Variants in PBK observed in about 807,000 individuals in gnomAD.
PBK encodes the protein PDZ binding kinase.
Under a neutral mutation model 33.5 loss-of-function variants are expected in PBK, and 22 were observed. The ratio of observed to expected loss-of-function variants is 0.66; its 90% CI spans 0.47 to 0.94. The LOEUF (loss-of-function observed/expected upper bound fraction) is 0.94, where lower values mean the gene tolerates loss of function less well. Ranked by LOEUF, PBK falls within the 40% of genes least tolerant of loss-of-function variation. The pLI is 0.00. For missense variants in PBK, 376 were observed against 383.4 expected (o/e 0.98, Z 0.16); for synonymous variants, 129 against 123.8 (o/e 1.04, Z -0.28).
At chr8:27,833,001 A>G in intron 2 of PBK, 55 bp downstream of exon 2, 2 of 1,012,238 alleles carry the variant, frequency 2.0e-6, no homozygotes, top group Non-Finnish European at 3.0e-6. Flanking sequence ...ATACTAGGAC[A>G]TTTCTAAGAG....
intron 3 of PBK, among the ~76,000 whole-genome samples, chr8:27,826,932 C>G (rs565306231): frequency 9.9e-5 from 15 of 151,860 alleles, no homozygotes; most frequent in African/African-American, 3.6e-4. Flanking sequence ...AGCCATAAAC[C>G]TGTGAGAATT....
chr8:27,828,601 C>T lies in PBK; in HGVS notation c.59-403G>A, dbSNP rs187087585. On this transcript the variant is annotated intron_variant, in intron 2 of 7. Coordinates refer to ENST00000301905, the MANE Select transcript of PBK (RefSeq NM_018492.4). ...CATAAAGAGACTCCATCTCTACACA[C>T]GAAAAAATTTTTTTAATTAGCCAGG... 7.6e-5 allele frequency among the ~76,000 whole-genome samples: 11 copies of T among 144,608 alleles called. No homozygotes were observed. In the East Asian group the frequency reaches 1.6e-3, roughly 21 times the overall value. 94.9% of individuals were successfully genotyped at this position (144,608 alleles called of 152,430 possible).
At chr8:27,816,409 C>T (rs28651391) in intron 6 of PBK, among the ~76,000 whole-genome samples, 17,851 of 146,268 alleles carry the variant, frequency 0.12, 1,331 homozygotes, top group East Asian at 0.33. Flanking sequence ...GATGGAATCT[C>T]GCTGTCGCCC....
At chr8:27,825,806 GA>G (rs1806014528) in intron 3 of PBK, among the ~76,000 whole-genome samples, 1 of 151,990 alleles carries the variant, frequency 6.6e-6, no homozygotes, top group Non-Finnish European at 1.5e-5. Context: ...TAAAGCTGGG[GA>G]AATCTCAGAA....
At chr8:27,818,731 T>C (rs1037831089) in intron 6 of PBK, among the ~76,000 whole-genome samples, 1 of 152,122 alleles carries the variant, frequency 6.6e-6, no homozygotes, top group Non-Finnish European at 1.5e-5. Flanking sequence ...CCCACTGTGA[T>C]ATAGAATTCT....
At chr8:27,820,443 G>C in intron 6 of PBK, 122 bp downstream of exon 6, 1 of 640,264 alleles carries the variant, frequency 1.6e-6, no homozygotes. Flanking sequence ...GAAAAAAAGG[G>C]GACTTTTTAC....
chr8:27,829,168 C>T (rs1350702855), intron 2 of PBK, among the ~76,000 whole-genome samples: 1 of 152,182 alleles, frequency 6.6e-6, no homozygotes, highest in African/African-American at 2.4e-5. Flanking sequence ...TGGCCAAGTA[C>T]TTATCCGCAC....
chr8:27,824,313 T>C (rs1298830365), intron 3 of PBK, among the ~76,000 whole-genome samples: 3 of 152,140 alleles, frequency 2.0e-5, no homozygotes, highest in Non-Finnish European at 2.9e-5. Flanking sequence ...CTTCACCTTT[T>C]CCATAACATA....
chr8:27,814,182 G>C (rs180933223), intron 6 of PBK, among the ~76,000 whole-genome samples: 47 of 152,234 alleles, frequency 3.1e-4, no homozygotes, highest in Non-Finnish European at 5.7e-4. Context: ...AAACATCTGG[G>C]TCTTGAGTTT....
intron 4 of PBK, 128 bp from the exon 5 acceptor site, chr8:27,822,616 AT>A (rs1170516071): frequency 7.0e-5 from 41 of 585,774 alleles, no homozygotes; most frequent in Admixed American, 2.2e-4. Context: ...AACAGCTACT[AT>A]TTACAAGACT....
rs1184068288 is a variant in PBK at position 27,819,602 on chromosome 8, G to GT, written c.595+962dup. Among the ~76,000 whole-genome samples the GT allele has an allele frequency of 2.6e-5, 4 of 152,076 alleles. No individual in the cohort carries two copies. In the South Asian group the frequency reaches 6.2e-4, roughly 24 times the overall value. ...CTATTCATACTTTTTATAATTCGAA[G>GT]TTTTTTTGTGTGATCTAAGAATATG... is the stretch of plus-strand genomic sequence containing the variant. On this transcript the variant is annotated intron_variant, in intron 6 of 7. Coordinates refer to ENST00000301905, the MANE Select transcript of PBK (RefSeq NM_018492.4).
chr8:27,832,846 A>G (rs908448631), intron 2 of PBK, among the ~76,000 whole-genome samples: 1 of 152,198 alleles, frequency 6.6e-6, no homozygotes, highest in African/African-American at 2.4e-5. Context: ...GAGAGCCTCC[A>G]AACCTGTTAG....
At chr8:27,837,055 T>C (rs967426279) in intron 1 of PBK, among the ~76,000 whole-genome samples, 1 of 148,438 alleles carries the variant, frequency 6.7e-6, no homozygotes. Flanking sequence ...AAGGTTCTCA[T>C]GAAGATGACA....
In PBK at chr8:27,828,105, C is replaced by T. The variant is rs1329526835; in HGVS notation, c.152G>A (p.Arg51Lys). ...GGTTAATCTGAAATCTTATACTTACCTTTTCATTAGGTACACATTTACCCC... is the reference window on the plus strand; with the variant it reads ...GGTTAATCTGAAATCTTATACTTACTTTTTCATTAGGTACACATTTACCCC... ...GTGVNVYLMK[R>K]SPRGLSHSPW... Residue 51 changes from arginine (R) to lysine (K), a missense_variant and splice_region_variant, in exon 3 of 8, where the codon AGA becomes AAA. Physicochemically the swap from Arg to Lys is conservative, Grantham distance 26. Transcript: ENST00000301905. 2 of 1,402,666 alleles carry T rather than the reference C, an allele frequency of 1.4e-6. No homozygotes were observed. Among genetic ancestry groups the T allele is most frequent in the African/African-American group, 1.4e-5 (1 of 70,470 alleles). 86.9% of individuals were successfully genotyped at this position (1,402,666 alleles called of 1,614,324 possible).
chr8:27,836,699 G>A (rs543993592), intron 1 of PBK, among the ~76,000 whole-genome samples: 142 of 152,144 alleles, frequency 9.3e-4, no homozygotes, highest in African/African-American at 3.2e-3. Context: ...GCCTTTTCCC[G>A]CTCACTCTAC....
At chr8:27,820,473 GTT>G in intron 6 of PBK, 90 bp downstream of exon 6, 1 of 784,428 alleles carries the variant, frequency 1.3e-6, no homozygotes, top group Non-Finnish European at 2.1e-6. Context: ...TTTAAAAATA[GTT>G]TTTGATTTTT....
In PBK at chr8:27,810,315, GTTTCCAGAGC is replaced by G. The variant is rs1805647109; in HGVS notation, c.949_958del (p.Ala317GlnfsTer9). ...CAGCTGAGATGATCACTAGACATCTGTTTCCAGAGCTTCAACAATGTGTGCAGCAGAAGGA... is the reference window on the plus strand; with the variant it reads ...CAGCTGAGATGATCACTAGACATCTGTTCAACAATGTGTGCAGCAGAAGGA... On this transcript the variant is annotated frameshift_variant, in exon 8 of 8. Coordinates refer to ENST00000301905, the MANE Select transcript of PBK (RefSeq NM_018492.4). LOFTEE classifies it high-confidence loss of function. 6.2e-7 allele frequency: 1 copy of G among 1,609,714 alleles called. No homozygotes were observed. The highest frequency in any genetic ancestry group is 1.3e-5 in the African/African-American group (1 of 74,810).
intron 3 of PBK, 102 bp from the exon 4 acceptor site, chr8:27,823,307 TTTTAAA>T: frequency 1.4e-6 from 1 of 692,248 alleles, no homozygotes; most frequent in Non-Finnish European, 2.4e-6. Flanking sequence ...AGAAATTTGC[TTTTAAA>T]AACAGAATTT....
intron 4 of PBK, 93 bp downstream of exon 4, chr8:27,822,970 A>C: frequency 1.3e-6 from 1 of 789,770 alleles, no homozygotes; most frequent in Non-Finnish European, 2.1e-6. Flanking sequence ...CATCCTCTTC[A>C]TTTCTATTAG....
Sources: allele counts gnomAD v4.1 joint callset (sites outside exome capture counted in the v4.1 genomes callset), GRCh38; gene constraint gnomAD v4.1.1; transcripts MANE v1.5; gene names NCBI Gene and HGNC (gene_info 2026-07-23, HGNC 2026-07-21).